GAB1: variants seen among roughly 807,000 people sequenced by gnomAD.
The protein encoded by GAB1 is GRB2-associated-binding protein 1.
A neutral mutation model predicts 66.5 loss-of-function variants in GAB1; 19 were observed. The ratio of observed to expected loss-of-function variants is 0.29; its 90% CI spans 0.20 to 0.42. GAB1 has a LOEUF of 0.42. Ranked by LOEUF, GAB1 falls within the 10% of genes least tolerant of loss-of-function variation. The pLI, the probability that GAB1 is intolerant of heterozygous loss-of-function variation, is 1.00. For missense variants in GAB1, 732 were observed against 858.5 expected (o/e 0.85, Z 1.84); for synonymous variants, 294 against 301.4 (o/e 0.98, Z 0.25).
At position 143,471,118 on chromosome 4, in the gene GAB1, G is replaced by A. The variant is rs1208638371; in HGVS notation, c.*1929G>A. The A allele has an allele frequency of 6.6e-6, 1 of 152,064 alleles. No homozygotes were observed. Among genetic ancestry groups the A allele is most frequent in the Non-Finnish European group, 1.5e-5 (1 of 67,992 alleles). 9.4% of individuals were successfully genotyped at this position (152,064 alleles called of 1,614,324 possible). ...TTACTTGGAGGATGAATATATTTAA[G>A]ATTTAAAACACAATAATAAATACAT... On this transcript the variant is annotated 3_prime_UTR_variant, in exon 10 of 10. Transcript: ENST00000262994.
chr4:143,381,489 G>C (rs1730654862), intron 1 of GAB1, among the ~76,000 whole-genome samples: 1 of 152,066 alleles, frequency 6.6e-6, no homozygotes. Flanking sequence ...CCAGTGTTCG[G>C]GTCTACTAAC....
intron 1 of GAB1, among the ~76,000 whole-genome samples, chr4:143,393,230 TAAAAAAAAAAAAAGA>T (rs1731270593): frequency 7.5e-6 from 1 of 133,624 alleles, no homozygotes; most frequent in African/African-American, 2.7e-5. Context: ...TTTTTTTTTT[TAAAAAAAAAAAAAGA>T]AAAAAAAAGA....
At chr4:143,458,454 A>G (rs78733178) in intron 6 of GAB1, among the ~76,000 whole-genome samples, 2,432 of 152,160 alleles carry the variant, frequency 0.016, 58 homozygotes, top group African/African-American at 0.055. Context: ...AATCTCAAAG[A>G]TGAAATTTTT....
In GAB1 at chr4:143,337,130, G is replaced by T; in HGVS notation, c.-59G>T. The T allele has an allele frequency of 6.7e-7, 1 of 1,481,856 alleles. No homozygotes were observed. Among genetic ancestry groups the T allele is most frequent in the Non-Finnish European group, 9.2e-7 (1 of 1,087,738 alleles). 91.8% of individuals were successfully genotyped at this position (1,481,856 alleles called of 1,614,324 possible). Reference sequence around the variant, plus strand: ...TGCGCGCTCGGCAGGCGTCGGCTGTGTCGGGAGCGCGCCCGCCGCCCCTCA... The same window carrying T: ...TGCGCGCTCGGCAGGCGTCGGCTGTTTCGGGAGCGCGCCCGCCGCCCCTCA... On this transcript the variant is annotated 5_prime_UTR_variant, in exon 1 of 10. Coordinates refer to ENST00000262994, the MANE Select transcript of GAB1 (RefSeq NM_002039.4).
In GAB1 at chr4:143,364,970, C is replaced by T. The variant is rs183272253; in HGVS notation, c.72+27710C>T. Among the ~76,000 whole-genome samples, 759 of 150,448 alleles carry T rather than the reference C, an allele frequency of 5.0e-3. 4 individuals are homozygous for T. Among genetic ancestry groups the T allele is most frequent in the East Asian group, 0.019 (96 of 5,102 alleles). ...TCGGGTCACTGCAAGCTCCGCCTCC[C>T]GGGTTCATGCCATTCTCCTGCCTCA... is the stretch of plus-strand genomic sequence containing the variant. On this transcript the variant is annotated intron_variant, in intron 1 of 9. Transcript: ENST00000262994.
rs1736117189 is a variant in GAB1 at position 143,472,323 on chromosome 4, A to G, written c.*3134A>G. ...TTAATCATAGACTAAATTTAATTTG[A>G]TATAGAAATACTACTTTACTTGTAC... On this transcript the variant is annotated 3_prime_UTR_variant, in exon 10 of 10. Transcript: ENST00000262994. 1.3e-5 allele frequency: 2 copies of G among 152,114 alleles called. No individual in the cohort carries two copies. The highest frequency in any genetic ancestry group is 4.1e-4 in the South Asian group (2 of 4,828). 9.4% of individuals were successfully genotyped at this position (152,114 alleles called of 1,614,324 possible).
intron 2 of GAB1, among the ~76,000 whole-genome samples, chr4:143,417,281 A>G (rs996709747): frequency 1.2e-4 from 18 of 152,156 alleles, no homozygotes; most frequent in Admixed American, 1.3e-4. Context: ...AGGCCCAGGG[A>G]CAGTTGCTTA....
chr4:143,339,132 A>G (rs1196203891), intron 1 of GAB1, among the ~76,000 whole-genome samples: 2 of 152,246 alleles, frequency 1.3e-5, no homozygotes, highest in Non-Finnish European at 2.9e-5. Flanking sequence ...TACAGAAAAC[A>G]GTCCTGCATT....
At chr4:143,397,179 G>A (rs750476668) in intron 1 of GAB1, among the ~76,000 whole-genome samples, 10 of 152,122 alleles carry the variant, frequency 6.6e-5, no homozygotes, top group African/African-American at 1.2e-4. Flanking sequence ...GATCTCTGCC[G>A]TCAAGTAGCT....
chr4:143,361,675 C>G (rs896674272), intron 1 of GAB1, among the ~76,000 whole-genome samples: 9 of 152,160 alleles, frequency 5.9e-5, no homozygotes, highest in Non-Finnish European at 1.2e-4. Flanking sequence ...CTTGCACCAC[C>G]AGCACAGTCA....
At chr4:143,416,726 A>G (rs911944715) in intron 2 of GAB1, among the ~76,000 whole-genome samples, 38 of 152,088 alleles carry the variant, frequency 2.5e-4, no homozygotes, top group African/African-American at 5.1e-4. Context: ...GTGAGCCACA[A>G]TTGCACCATT....
At chr4:143,391,240 G>GT (rs1731172795) in intron 1 of GAB1, among the ~76,000 whole-genome samples, 1 of 152,170 alleles carries the variant, frequency 6.6e-6, no homozygotes, top group Non-Finnish European at 1.5e-5. Flanking sequence ...AAGAGCTTCT[G>GT]TAACACAGAA....
At chr4:143,466,783 A>G (rs2149799414) in intron 9 of GAB1, among the ~76,000 whole-genome samples, 1 of 152,146 alleles carries the variant, frequency 6.6e-6, no homozygotes, top group South Asian at 2.1e-4. Flanking sequence ...GAGCCACTGC[A>G]TCTGGCTGTT....
At chr4:143,437,878 T>A in intron 3 of GAB1, 121 bp from the exon 4 acceptor site, 5 of 972,720 alleles carry the variant, frequency 5.1e-6, no homozygotes, top group Non-Finnish European at 7.6e-6. Context: ...ATCCTATGGA[T>A]CACACAAAAA....
intron 1 of GAB1, 28 bp downstream of exon 1, chr4:143,337,288 CG>C: frequency 6.5e-7 from 1 of 1,549,408 alleles, no homozygotes; most frequent in East Asian, 2.4e-5. Flanking sequence ...CACCACTCCG[CG>C]GGCCTCGGCG....
intron 2 of GAB1, among the ~76,000 whole-genome samples, chr4:143,431,550 C>G (rs1211999425): frequency 6.6e-6 from 1 of 152,178 alleles, no homozygotes; most frequent in Non-Finnish European, 1.5e-5. Flanking sequence ...GTCAGTGTTT[C>G]TGGCTTTCAA....
intron 1 of GAB1, among the ~76,000 whole-genome samples, chr4:143,357,185 A>G (rs1007269946): frequency 1.3e-5 from 2 of 152,218 alleles, no homozygotes; most frequent in African/African-American, 4.8e-5. Context: ...AACAGATAGG[A>G]TAAACTAGGG....
chr4:143,386,082 C>T (rs755383454), intron 1 of GAB1, among the ~76,000 whole-genome samples: 6 of 152,150 alleles, frequency 3.9e-5, no homozygotes, highest in Non-Finnish European at 7.4e-5. Flanking sequence ...GTCAAGACTG[C>T]AGTGAGCCAT....
chr4:143,362,324 A>T lies in GAB1; in HGVS notation c.72+25064A>T, dbSNP rs144992784. On this transcript the variant is annotated intron_variant, in intron 1 of 9. Coordinates refer to ENST00000262994, the MANE Select transcript of GAB1 (RefSeq NM_002039.4). Reference sequence around the variant, plus strand: ...TTACCAGAAAGGGGTCCTGAGCCAGACCCCAAGAGACGGGCTCTTAGATCT... The same window carrying T: ...TTACCAGAAAGGGGTCCTGAGCCAGTCCCCAAGAGACGGGCTCTTAGATCT... 6.8e-3 allele frequency among the ~76,000 whole-genome samples: 1,040 copies of T among 152,240 alleles called. 11 individuals carry two copies. The highest frequency in any genetic ancestry group is 0.011 in the Non-Finnish European group (726 of 67,994).
Sources: gnomAD v4.1 joint callset for allele counts (sites outside exome capture counted in the v4.1 genomes callset) on GRCh38, gnomAD v4.1.1 for gene constraint, MANE v1.5 for transcripts, NCBI Gene and HGNC (gene_info 2026-07-23, HGNC 2026-07-21) for gene names.